The following STIM1 variants were observed in gnomAD, a reference collection of about 807,000 sequenced individuals.
The protein encoded by STIM1 is stromal interaction molecule 1.
STIM1 carries 25 observed loss-of-function variants against 74.7 expected under a neutral mutation model. That is an observed-to-expected ratio of 0.33 (90% confidence interval 0.24 to 0.47). The LOEUF (loss-of-function observed/expected upper bound fraction) is 0.47, where lower values mean the gene tolerates loss of function less well. Among genes scored for constraint, STIM1 ranks in the 20% least tolerant of loss-of-function variants. STIM1 has a pLI of 1.00. For missense variants in STIM1, 728 were observed against 920.8 expected, an observed-to-expected ratio of 0.79 and a Z score of 2.71; for synonymous variants, 328 against 348.8, an observed-to-expected ratio of 0.94 and a Z score of 0.66.
At position 4,092,305 on chromosome 11, in the gene STIM1, T is replaced by C. The variant is rs149632968; in HGVS notation, c.*507T>C. ...TTTGCTCCAGACTGGGGCTAGGGCC[T>C]AATCTTTGAAGTTTGTTCTTTGGTA... On this transcript the variant is annotated 3_prime_UTR_variant, in exon 13 of 13. Coordinates refer to ENST00000526596, the MANE Select transcript of STIM1 (RefSeq NM_001382567.1). 53 of 191,732 alleles carry C rather than the reference T, an allele frequency of 2.8e-4. No individual in the cohort carries two copies. The highest frequency in any genetic ancestry group is 1.2e-3 in the African/African-American group (51 of 43,416). 11.9% of individuals were successfully genotyped at this position (191,732 alleles called of 1,614,324 possible).
chr11:3,897,336 T>C (rs1272351897), intron 1 of STIM1, among the ~76,000 whole-genome samples: 1 of 152,154 alleles, frequency 6.6e-6, no homozygotes, highest in Non-Finnish European at 1.5e-5. Flanking sequence ...CTTGGAATAC[T>C]GGTCTATTTC....
At chr11:4,008,936 A>G (rs1195350688) in intron 2 of STIM1, among the ~76,000 whole-genome samples, 4 of 152,156 alleles carry the variant, frequency 2.6e-5, no homozygotes, top group African/African-American at 9.7e-5. Context: ...TTATTCTTTG[A>G]TATGGAGAAT....
chr11:4,086,689 T>G (rs1384906296), intron 12 of STIM1, 146 bp downstream of exon 12: 1 of 1,541,082 alleles, frequency 6.5e-7, no homozygotes, highest in African/African-American at 1.4e-5. Context: ...TTGCTCCTCT[T>G]CCATCACCAC....
intron 1 of STIM1, among the ~76,000 whole-genome samples, chr11:3,870,283 G>T (rs915730251): frequency 6.6e-6 from 1 of 152,118 alleles, no homozygotes; most frequent in Non-Finnish European, 1.5e-5. Context: ...GCTGAGCCTT[G>T]ACTCTAGGAA....
chr11:4,016,869 G>A (rs35670285), intron 2 of STIM1, among the ~76,000 whole-genome samples: 3,019 of 152,336 alleles, frequency 0.02, 43 homozygotes, highest in Non-Finnish European at 0.03. Flanking sequence ...TGTGGGACCC[G>A]CCGAGCCAGG....
chr11:3,872,061 G>GT (rs201480795), intron 1 of STIM1, among the ~76,000 whole-genome samples: 31 of 150,360 alleles, frequency 2.1e-4, no homozygotes, highest in South Asian at 6.3e-4. Context: ...TCTAACTCTC[G>GT]TTTTTTTTTG....
intron 2 of STIM1, among the ~76,000 whole-genome samples, chr11:3,974,677 A>G (rs1451814537): frequency 6.6e-6 from 1 of 152,038 alleles, no homozygotes; most frequent in Admixed American, 6.6e-5. Flanking sequence ...GAGGCTATGT[A>G]TTGTGGGCCC....
At chr11:3,900,799 C>T (rs1177695459) in intron 1 of STIM1, among the ~76,000 whole-genome samples, 2 of 152,200 alleles carry the variant, frequency 1.3e-5, no homozygotes, top group Non-Finnish European at 2.9e-5. Context: ...TGGTCTTGAA[C>T]TCCTGGACTC....
At position 4,082,930 on chromosome 11, in the gene STIM1, G is replaced by A. The variant is rs1430915758; in HGVS notation, c.1186G>A (p.Val396Met). 6.8e-6 allele frequency: 11 copies of A among 1,614,098 alleles called. No individual in the cohort carries two copies. Among genetic ancestry groups the A allele is most frequent in the Admixed American group, 3.3e-5 (2 of 60,016 alleles). Residue 396 changes from valine (V) to methionine (M), a missense_variant, in exon 9 of 13, where the codon GTG becomes ATG. Coordinates refer to ENST00000526596, the MANE Select transcript of STIM1 (RefSeq NM_001382567.1). ...AAACACACTCTTTGGCACCTTCCAC[G>A]TGGCCCACAGCTCTTCCCTGGATGA... ...KRNTLFGTFH[V>M]AHSSSLDDVD... is the part of the protein sequence containing the mutation.
rs1428993282 is a variant in STIM1, at chr11:4,027,855, G to T, written c.385+3868G>T. 3.3e-5 allele frequency among the ~76,000 whole-genome samples: 5 copies of T among 152,096 alleles called. No homozygotes were observed. In the East Asian group the frequency reaches 7.7e-4, roughly 23 times the overall value. The stretch of plus-strand genomic sequence containing the variant: ...GGAGTGGCAGTTCTTTAAAGGAAGG[G>T]TGGCTGGGTAGTTTTGTAGAATCCT... On this transcript the variant is annotated intron_variant, in intron 3 of 12. Transcript: ENST00000526596.
rs545152057 is a variant in STIM1 at position 4,072,035 on chromosome 11, C to T, written c.791+1832C>T. On this transcript the variant is annotated intron_variant, in intron 6 of 12. Transcript: ENST00000526596. ...GCTAACTGCTGCTGTCTGAGCAGTC[C>T]CCATACCTCATTTGTTTGAAAAACA... is the stretch of plus-strand genomic sequence containing the variant. Among the ~76,000 whole-genome samples the T allele has an allele frequency of 3.9e-5, 6 of 152,130 alleles. 1 individual carries two copies. In the South Asian group the frequency reaches 1.0e-3, roughly 26 times the overall value.
intron 2 of STIM1, among the ~76,000 whole-genome samples, chr11:4,001,747 A>G (rs2135910623): frequency 6.6e-6 from 1 of 150,792 alleles, no homozygotes; most frequent in Middle Eastern, 3.4e-3. Context: ...TATTAACTTT[A>G]AATGTAAATG....
chr11:4,076,342 T>A (rs1290443650), intron 7 of STIM1, among the ~76,000 whole-genome samples: 1 of 151,608 alleles, frequency 6.6e-6, no homozygotes, highest in African/African-American at 2.4e-5. Context: ...AAAAATTAAC[T>A]GGGTGTGGTG....
chr11:3,928,038 C>T (rs1210526448), intron 1 of STIM1, among the ~76,000 whole-genome samples: 1 of 152,080 alleles, frequency 6.6e-6, no homozygotes, highest in African/African-American at 2.4e-5. Flanking sequence ...ATTCCCAGGG[C>T]CTAGATTTGT....
chr11:3,958,108 C>T (rs1368680077), intron 1 of STIM1, among the ~76,000 whole-genome samples: 3 of 152,186 alleles, frequency 2.0e-5, no homozygotes, highest in Non-Finnish European at 4.4e-5. Flanking sequence ...TCATGATCCG[C>T]CCATCTCGGC....
intron 1 of STIM1, among the ~76,000 whole-genome samples, chr11:3,870,852 A>T (rs1049998383): frequency 6.9e-6 from 1 of 145,670 alleles, no homozygotes; most frequent in East Asian, 2.0e-4. Flanking sequence ...CCGAGTGACC[A>T]TATCCTATCA....
At chr11:3,869,817 A>G (rs1324306146) in intron 1 of STIM1, among the ~76,000 whole-genome samples, 1 of 152,212 alleles carries the variant, frequency 6.6e-6, no homozygotes, top group Non-Finnish European at 1.5e-5. Context: ...ATGAGCCTAG[A>G]TAGGAGACTT....
At chr11:3,889,890 G>A (rs2091844111) in intron 1 of STIM1, among the ~76,000 whole-genome samples, 1 of 152,142 alleles carries the variant, frequency 6.6e-6, no homozygotes, top group Admixed American at 6.5e-5. Flanking sequence ...ATTGAGTGGG[G>A]AGACAGGTAA....
chr11:4,040,713 TG>T (rs2094141160), intron 3 of STIM1, among the ~76,000 whole-genome samples: 2 of 152,250 alleles, frequency 1.3e-5, no homozygotes, highest in Non-Finnish European at 2.9e-5. Flanking sequence ...TTAGATAAGT[TG>T]TTTGGCCTAC....
Sources: gnomAD v4.1 joint callset for allele counts (sites outside exome capture counted in the v4.1 genomes callset) on GRCh38, gnomAD v4.1.1 for gene constraint, MANE v1.5 for transcripts, NCBI Gene and HGNC (gene_info 2026-07-23, HGNC 2026-07-21) for gene names.